The following SPIRE1 variants were observed in gnomAD, a reference collection of about 807,000 sequenced individuals.
SPIRE1 encodes the protein protein spire homolog 1.
In SPIRE1, 40 loss-of-function variants were observed where a neutral mutation model predicts 94.1. The ratio of observed to expected loss-of-function variants is 0.43; its 90% CI spans 0.33 to 0.55. The LOEUF (loss-of-function observed/expected upper bound fraction) is 0.55, where lower values mean the gene tolerates loss of function less well. Ranked by LOEUF, SPIRE1 falls within the 20% of genes least tolerant of loss-of-function variation. The probability of loss-of-function intolerance (pLI) is 0.06; values close to 1 mark genes in which losing one functional copy is unlikely to be tolerated. For missense variants in SPIRE1, 838 were observed against 975.2 expected (o/e 0.86, Z 1.87); for synonymous variants, 376 against 371.7 (o/e 1.01, Z -0.13).
chr18:12,623,438 C>T (rs2037533588), intron 2 of SPIRE1, among the ~76,000 whole-genome samples: 2 of 152,092 alleles, frequency 1.3e-5, no homozygotes, highest in Admixed American at 6.6e-5. Context: ...CAGGTGTAAG[C>T]CACTGCGCCT....
chr18:12,642,030 C>T (rs1368737878), intron 1 of SPIRE1, among the ~76,000 whole-genome samples: 1 of 151,996 alleles, frequency 6.6e-6, no homozygotes, highest in Non-Finnish European at 1.5e-5. Context: ...TGGGATTTCA[C>T]CATGTTAGCC....
chr18:12,478,829 T>C (rs1383870293), intron 10 of SPIRE1, among the ~76,000 whole-genome samples: 1 of 152,104 alleles, frequency 6.6e-6, no homozygotes, highest in Non-Finnish European at 1.5e-5. Flanking sequence ...TAGGTGGATG[T>C]TGACATCAGG....
At chr18:12,518,069 G>C (rs2034248612) in intron 4 of SPIRE1, among the ~76,000 whole-genome samples, 1 of 152,300 alleles carries the variant, frequency 6.6e-6, no homozygotes, top group Admixed American at 6.5e-5. Flanking sequence ...CTGGAGCAGT[G>C]GTGTGATCAT....
At chr18:12,473,245 T>A (rs1787236241) in intron 10 of SPIRE1, among the ~76,000 whole-genome samples, 1 of 152,178 alleles carries the variant, frequency 6.6e-6, no homozygotes, top group Non-Finnish European at 1.5e-5. Context: ...TTTAAGGCAC[T>A]TAGCAGTATG....
At chr18:12,558,439 C>T (rs942730072) in intron 2 of SPIRE1, among the ~76,000 whole-genome samples, 6 of 152,134 alleles carry the variant, frequency 3.9e-5, no homozygotes, top group Admixed American at 1.3e-4. Flanking sequence ...CTGCAAAGAG[C>T]GAAAGAACAA....
chr18:12,487,852 C>A (rs2033095027), intron 8 of SPIRE1, among the ~76,000 whole-genome samples: 2 of 152,104 alleles, frequency 1.3e-5, no homozygotes, highest in South Asian at 2.1e-4. Context: ...AAGGTTATTG[C>A]AGAGATGTGA....
At chr18:12,468,697 TC>T (rs1486370750) in intron 10 of SPIRE1, among the ~76,000 whole-genome samples, 1 of 152,178 alleles carries the variant, frequency 6.6e-6, no homozygotes, top group Non-Finnish European at 1.5e-5. Flanking sequence ...ATCTTTTTTA[TC>T]TAGAAAATGT....
At chr18:12,582,984 A>C (rs940673494) in intron 2 of SPIRE1, among the ~76,000 whole-genome samples, 1 of 152,324 alleles carries the variant, frequency 6.6e-6, no homozygotes, top group African/African-American at 2.4e-5. Flanking sequence ...TGAAGAGTGC[A>C]ACTCCTAAAG....
intron 1 of SPIRE1, among the ~76,000 whole-genome samples, chr18:12,654,596 A>G (rs1331742646): frequency 6.6e-6 from 1 of 151,162 alleles, no homozygotes; most frequent in Non-Finnish European, 1.5e-5. Flanking sequence ...GCAAGCTTGC[A>G]GTGAGCTGAG....
At chr18:12,452,584 G>T in intron 14 of SPIRE1, 72 bp from the exon 15 acceptor site, 2 of 1,465,536 alleles carry the variant, frequency 1.4e-6, no homozygotes, top group Non-Finnish European at 1.9e-6. Flanking sequence ...GAAGCCTATG[G>T]CAGTACAGTT....
intron 1 of SPIRE1, among the ~76,000 whole-genome samples, chr18:12,649,610 G>T (rs2038320957): frequency 6.6e-6 from 1 of 152,218 alleles, no homozygotes; most frequent in African/African-American, 2.4e-5. Context: ...TAGGACCAAT[G>T]ATACAGGAGA....
At chr18:12,596,267 T>C (rs11080586) in intron 2 of SPIRE1, among the ~76,000 whole-genome samples, 85,283 of 152,106 alleles carry the variant, frequency 0.56, 25,097 homozygotes, top group Middle Eastern at 0.76. Flanking sequence ...CTAGAGTCTG[T>C]TCGTTTCATT....
chr18:12,560,788 G>A (rs2035659841), intron 2 of SPIRE1, among the ~76,000 whole-genome samples: 1 of 152,178 alleles, frequency 6.6e-6, no homozygotes, highest in South Asian at 2.1e-4. Context: ...GGAGGCAAAG[G>A]TTGGCAGTGA....
At chr18:12,569,259 C>T (rs891930639) in intron 2 of SPIRE1, among the ~76,000 whole-genome samples, 15 of 150,176 alleles carry the variant, frequency 1.0e-4, no homozygotes, top group Admixed American at 1.3e-4. Context: ...AGGAGAATGG[C>T]GTGAACCTGG....
upstream of SPIRE1, chr18:12,661,690 G>T (rs185070100): frequency 9.7e-4 from 147 of 152,292 alleles, no homozygotes; most frequent in Non-Finnish European, 1.3e-3. Context: ...CAGGAGAATC[G>T]CTTGAACCCA....
At chr18:12,529,242 G>A (rs148748130) in intron 4 of SPIRE1, among the ~76,000 whole-genome samples, 6,817 of 152,036 alleles carry the variant, frequency 0.045, 224 homozygotes, top group Middle Eastern at 0.099. Context: ...GGTGGCGGGC[G>A]CCTGTAGTCC....
chr18:12,590,270 A>G (rs1013128303), intron 2 of SPIRE1, among the ~76,000 whole-genome samples: 1 of 151,980 alleles, frequency 6.6e-6, no homozygotes, highest in Admixed American at 6.6e-5. Context: ...TTGTATTTTT[A>G]GTAGAGACAG....
intron 4 of SPIRE1, among the ~76,000 whole-genome samples, chr18:12,529,424 TGAG>T (rs1336401352): frequency 6.6e-6 from 1 of 151,120 alleles, no homozygotes; most frequent in Non-Finnish European, 1.5e-5. Context: ...TGGGGTGGCC[TGAG>T]GAGATGTCCT....
chr18:12,549,436 GTTGTTTTTTTTTTTTTTTTTTTT>G, intron 2 of SPIRE1, among the ~76,000 whole-genome samples: 1 of 51,938 alleles, frequency 1.9e-5, no homozygotes, highest in Non-Finnish European at 3.7e-5. Flanking sequence ...TTTTGTTATT[GTTGTTTTTTTTTTTTTTTTTTTT>G]TTTTTTTTTT....
Sources: allele counts gnomAD v4.1 joint callset (sites outside exome capture counted in the v4.1 genomes callset), GRCh38; gene constraint gnomAD v4.1.1; transcripts MANE v1.5; gene names NCBI Gene and HGNC (gene_info 2026-07-23, HGNC 2026-07-21).